Variants in SH2D7 observed in about 807,000 individuals in gnomAD.
SH2D7 encodes the protein SH2 domain containing 7.
A neutral mutation model predicts 40.8 loss-of-function variants in SH2D7; 32 were observed. That is an observed-to-expected ratio of 0.78 (90% CI 0.59 to 1.05). The LOEUF is 1.05. SH2D7 is among the 50% of genes least tolerant of loss of function. The pLI, the probability that SH2D7 is intolerant of heterozygous loss-of-function variation, is 0.00. For missense variants in SH2D7, 559 were observed against 566.6 expected (o/e 0.99, Z 0.14); for synonymous variants, 195 against 221.5 (o/e 0.88, Z 1.06).
upstream of SH2D7, among the ~76,000 whole-genome samples, chr15:78,091,856 C>T (rs1312347493): frequency 2.0e-5 from 3 of 152,228 alleles, no homozygotes; most frequent in Non-Finnish European, 4.4e-5. Flanking sequence ...TGCTTGGCTT[C>T]CTCCTTCACT....
At chr15:78,091,998 C>A (rs2073943108), upstream of SH2D7, among the ~76,000 whole-genome samples, 1 of 152,224 alleles carries the variant, frequency 6.6e-6, no homozygotes. Flanking sequence ...ATATTCTACA[C>A]ATATATTTGT....
chr15:78,103,946 T>G lies in SH2D7; in HGVS notation c.*431T>G. ...TGGCCAAGTGACATCATGCAATTGC[T>G]ACCGAGAACAAAACCAGTTCCCCTC... is the stretch of plus-strand genomic sequence containing the variant. On this transcript the variant is annotated 3_prime_UTR_variant, in exon 6 of 6. Transcript: ENST00000328828. The G allele has an allele frequency of 6.4e-6, 1 of 155,324 alleles. No homozygotes were observed. The highest frequency in any genetic ancestry group is 1.4e-5 in the Non-Finnish European group (1 of 70,082). 9.6% of individuals were successfully genotyped at this position (155,324 alleles called of 1,614,324 possible). A position where few individuals can be genotyped will look rare whatever the true frequency, so the allele number is the denominator to read the frequency against.
chr15:78,103,411 C>T (rs1344791860), intron 5 of SH2D7, 54 bp from the exon 6 acceptor site: 54 of 1,547,124 alleles, frequency 3.5e-5, no homozygotes, highest in Non-Finnish European at 4.6e-5. Flanking sequence ...GAGCCTGGGT[C>T]TTTCCCTCCC....
At chr15:78,102,919 T>G (rs1014789418) in intron 5 of SH2D7, among the ~76,000 whole-genome samples, 1 of 152,100 alleles carries the variant, frequency 6.6e-6, no homozygotes, top group Non-Finnish European at 1.5e-5. Context: ...GGAAAGATCT[T>G]CCTGGGAAGT....
At chr15:78,094,831 G>A (rs1383775924) in intron 2 of SH2D7, among the ~76,000 whole-genome samples, 2 of 152,322 alleles carry the variant, frequency 1.3e-5, no homozygotes, top group East Asian at 3.9e-4. Context: ...TTGCCTGGAT[G>A]TGAGATAATG....
intron 5 of SH2D7, 107 bp from the exon 6 acceptor site, chr15:78,103,358 C>A: frequency 1.5e-6 from 2 of 1,319,304 alleles, no homozygotes; most frequent in Non-Finnish European, 2.1e-6. Context: ...GGCCTCATGT[C>A]CTAGGCTTGG....
chr15:78,103,898 GCTAGCACAGACACCTT>G lies in SH2D7; in HGVS notation c.*384_*399del. On this transcript the variant is annotated 3_prime_UTR_variant, in exon 6 of 6. Coordinates refer to ENST00000328828, the MANE Select transcript of SH2D7 (RefSeq NM_001101404.2). ...TTACCGAATGTGTGGCAGGCTGTGTGCTAGCACAGACACCTTTCTAACTGGCCAAGTGACATCATGC... is the reference window on the plus strand; with the variant it reads ...TTACCGAATGTGTGGCAGGCTGTGTGTCTAACTGGCCAAGTGACATCATGC... 1 of 191,818 alleles carries G rather than the reference GCTAGCACAGACACCTT, an allele frequency of 5.2e-6. No homozygotes were observed. The allele number at this position is 191,818 out of a possible 1,614,324, so 11.9% of individuals were successfully genotyped here.
Position 78,092,713 on chromosome 15 carries a change from G to T in SH2D7, c.129G>T (p.Leu43=). 1 of 1,603,896 alleles carries T rather than the reference G, an allele frequency of 6.2e-7. No homozygotes were observed. Among genetic ancestry groups the T allele is most frequent in the South Asian group, 1.1e-5 (1 of 88,670 alleles). ...WFMETQAPFI[L]QNGALPPWFH... is the part of the protein sequence containing the mutation. ...TGGAGACACAGGCCCCCTTCATTCT[G>T]CAGAACGGTGCCCTGCCTCCCTGGT... Residue 43 remains leucine, a synonymous_variant, in exon 1 of 6, where the codon CTG becomes CTT. Coordinates refer to ENST00000328828, the MANE Select transcript of SH2D7 (RefSeq NM_001101404.2).
intron 2 of SH2D7, among the ~76,000 whole-genome samples, chr15:78,095,301 T>G (rs1314869892): frequency 6.6e-6 from 1 of 152,280 alleles, no homozygotes; most frequent in Non-Finnish European, 1.5e-5. Flanking sequence ...TGCTAGGCAT[T>G]TTGAAATATA....
chr15:78,103,367 G>A, intron 5 of SH2D7, 98 bp from the exon 6 acceptor site: 1 of 1,403,192 alleles, frequency 7.1e-7, no homozygotes, highest in Non-Finnish European at 9.7e-7. Flanking sequence ...TCCTAGGCTT[G>A]GGCCCCCAAC....
rs2074031923 is a variant in SH2D7 at position 78,103,695 on chromosome 15, C to T, written c.*180C>T. 3.0e-6 allele frequency: 2 copies of T among 673,600 alleles called. No homozygotes were observed. Among genetic ancestry groups the T allele is most frequent in the Non-Finnish European group, 4.9e-6 (2 of 407,718 alleles). The allele number at this position is 673,600 out of a possible 1,614,324, so 41.7% of individuals were successfully genotyped here. ...TGCCTGAGAGCAGGTGGAAGAGGAC[C>T]TTGCAGGTGCCTGCAGCTCCTGGCT... On this transcript the variant is annotated 3_prime_UTR_variant, in exon 6 of 6. Coordinates refer to ENST00000328828, the MANE Select transcript of SH2D7 (RefSeq NM_001101404.2).
At chr15:78,098,257 C>T in intron 3 of SH2D7, 127 bp from the exon 4 acceptor site, 4 of 1,393,334 alleles carry the variant, frequency 2.9e-6, no homozygotes, top group Middle Eastern at 5.1e-4. Context: ...GAGACTGTGG[C>T]AATGTCTTAC....
At chr15:78,102,541 G>T (rs935475238) in intron 5 of SH2D7, among the ~76,000 whole-genome samples, 2 of 152,074 alleles carry the variant, frequency 1.3e-5, no homozygotes, top group Non-Finnish European at 2.9e-5. Context: ...CTCTGGGGTG[G>T]TGGTGGTGGT....
At chr15:78,097,555 T>C (rs1287990288) in intron 2 of SH2D7, among the ~76,000 whole-genome samples, 3 of 152,154 alleles carry the variant, frequency 2.0e-5, no homozygotes, top group Non-Finnish European at 4.4e-5. Flanking sequence ...ATTTTTTTCA[T>C]ATATTTTGAT....
rs1390379691 is a variant in SH2D7, at chr15:78,101,107, C to A, written c.854C>A (p.Ser285Ter). ...SPGREAQRRL[S>*]DGEQNRPDGL... is the part of the protein sequence containing the mutation. ...GGCAGGGAGGCCCAAAGGAGACTCT[C>A]AGATGGAGAACAGAACAGGCCTGAT... The change falls in exon 5 of 6, where the codon TCA becomes TAA. Residue 285 changes from serine to a stop codon, truncating the protein, a stop_gained. Transcript: ENST00000328828. LOFTEE classifies it high-confidence loss of function. 6.4e-7 allele frequency: 1 copy of A among 1,574,374 alleles called. No homozygotes were observed. Among genetic ancestry groups the A allele is most frequent in the South Asian group, 1.2e-5 (1 of 83,552 alleles).
chr15:78,094,301 C>A, intron 2 of SH2D7, 100 bp downstream of exon 2: 1 of 1,117,222 alleles, frequency 9.0e-7, no homozygotes. Context: ...CCTAGATTTC[C>A]CTGGGTCCTG....
At chr15:78,094,017 GCATGGC>G (rs1596339413) in intron 1 of SH2D7, 89 bp from the exon 2 acceptor site, 40 of 1,241,096 alleles carry the variant, frequency 3.2e-5, no homozygotes, top group Non-Finnish European at 4.4e-5. Context: ...GAACCCAAAG[GCATGGC>G]CAGCAGGGAT....
chr15:78,099,769 G>A (rs564270591), intron 4 of SH2D7, among the ~76,000 whole-genome samples: 1 of 152,152 alleles, frequency 6.6e-6, no homozygotes, highest in South Asian at 2.1e-4. Flanking sequence ...AGGCTTCAGT[G>A]AGGCCTTTTC....
rs747211880 is a variant in SH2D7 at position 78,094,117 on chromosome 15, C to T, written c.182C>T (p.Thr61Met). The change falls in exon 2 of 6, where the codon ACG becomes ATG. Residue 61 changes from threonine (T) to methionine (M), a missense_variant. Transcript: ENST00000328828. ...ATGGCATGTCTTCTGCCCAGGCAGA[C>T]GGAGCAGCTACTCAGGGACAAAGCT... ...WFHGFITRKQ[T>M]EQLLRDKALG... 3.4e-5 allele frequency: 55 copies of T among 1,606,982 alleles called. No homozygotes were observed. The highest frequency in any genetic ancestry group is 8.5e-5 in the Admixed American group (5 of 58,994).
Sources: gnomAD v4.1 joint callset for allele counts (sites outside exome capture counted in the v4.1 genomes callset) on GRCh38, gnomAD v4.1.1 for gene constraint, MANE v1.5 for transcripts, NCBI Gene and HGNC (gene_info 2026-07-23, HGNC 2026-07-21) for gene names.